Variants in MEP1B observed in about 807,000 individuals in gnomAD.
MEP1B encodes N-benzoyl-L-tyrosyl-P-amino-benzoic acid hydrolase subunit beta.
In MEP1B, 80 loss-of-function variants were observed where a neutral mutation model predicts 84.6. The ratio of observed to expected loss-of-function variants is 0.95; its 90% CI spans 0.79 to 1.14. The LOEUF (loss-of-function observed/expected upper bound fraction) is 1.14, where lower values mean the gene tolerates loss of function less well. Among genes scored for constraint, MEP1B ranks in the 50% most tolerant of loss-of-function variants. MEP1B has a pLI of 0.00. For missense variants in MEP1B, 766 were observed against 855.1 expected (o/e 0.90, Z 1.30); for synonymous variants, 273 against 288.1 (o/e 0.95, Z 0.53).
intron 10 of MEP1B, 109 bp downstream of exon 10, chr18:32,210,825 A>T (rs1598895294): frequency 1.2e-6 from 1 of 815,576 alleles, no homozygotes; most frequent in African/African-American, 1.7e-5. Context: ...GAGTCACTAT[A>T]CTTCAACTAA....
chr18:32,191,563 T>G (rs1486846768), intron 1 of MEP1B, among the ~76,000 whole-genome samples: 1 of 152,012 alleles, frequency 6.6e-6, no homozygotes, highest in East Asian at 1.9e-4. Flanking sequence ...CCCCCCCAAT[T>G]TTTGAAGTTG....
intron 5 of MEP1B, among the ~76,000 whole-genome samples, chr18:32,198,075 C>T (rs1169985403): frequency 6.6e-6 from 1 of 152,134 alleles, no homozygotes; most frequent in African/African-American, 2.4e-5. Flanking sequence ...ATGGAATAAA[C>T]ATTATGATTA....
chr18:32,207,517 T>C, intron 8 of MEP1B, 47 bp downstream of exon 8: 3 of 1,320,196 alleles, frequency 2.3e-6, no homozygotes, highest in Non-Finnish European at 3.2e-6. Context: ...CGCTGTTATG[T>C]AGGAAAAAAT....
intron 5 of MEP1B, among the ~76,000 whole-genome samples, chr18:32,199,659 CTTT>C (rs761900783): frequency 0.19 from 20,773 of 110,830 alleles, 1,838 homozygotes; most frequent in African/African-American, 0.26. Flanking sequence ...CCTTTTTTTC[CTTT>C]CGTTCGTTCC....
rs992209347 is a variant in MEP1B, at chr18:32,196,232, C to T, written c.250+747C>T. 28 of 696,152 alleles carry T rather than the reference C, an allele frequency of 4.0e-5. No homozygotes were observed. The highest frequency in any genetic ancestry group is 3.5e-4 in the East Asian group (13 of 36,724). The allele number at this position is 696,152 out of a possible 1,614,324, so 43.1% of individuals were successfully genotyped here. On this transcript the variant is annotated intron_variant, in intron 5 of 14. Transcript: ENST00000269202. This position sits in a 1 kb window ranked among gnomAD's most constrained non-coding sequence, Gnocchi z 4.4. ...TGGCTGAGAGGAATGAAGAGGATGC[C>T]ATTGATGCCTTTGAACTGCTCCAAG...
At chr18:32,213,767 C>T (rs1396555652) in intron 11 of MEP1B, among the ~76,000 whole-genome samples, 1 of 152,204 alleles carries the variant, frequency 6.6e-6, no homozygotes, top group Non-Finnish European at 1.5e-5. Flanking sequence ...AGGACTCCAA[C>T]AAATGCTGAC....
rs561573119 is a variant in MEP1B, at chr18:32,208,571, C to G, written c.919+300C>G. On this transcript the variant is annotated intron_variant, in intron 9 of 14. Transcript: ENST00000269202. ...CCTGCAAGGCCTCTTATCTCAGGGG[C>G]AGTACTATTGTTTCCTAGAAGTTTG... is the stretch of plus-strand genomic sequence containing the variant. 2.1e-3 allele frequency among the ~76,000 whole-genome samples: 325 copies of G among 152,260 alleles called. 1 individual carries two copies. Among genetic ancestry groups the G allele is most frequent in the African/African-American group, 7.5e-3 (312 of 41,560 alleles).
chr18:32,213,366 G>T lies in MEP1B; in HGVS notation c.1386G>T (p.Gln462His), dbSNP rs1315080225. 1 of 1,613,672 alleles carries T rather than the reference G, an allele frequency of 6.2e-7. No individual in the cohort carries two copies. Among genetic ancestry groups the T allele is most frequent in the East Asian group, 2.2e-5 (1 of 44,890 alleles). Reference protein sequence around the residue: ...PFYSSKGYAFQIYLNLAHVTN... With the variant: ...PFYSSKGYAFHIYLNLAHVTN... ...ACTCTTCTAAAGGTTATGCCTTTCA[G>T]ATTTACTTAAATCTAGCCCATGTGA... Residue 462 changes from glutamine (Q) to histidine (H), a missense_variant, in exon 11 of 15, where the codon CAG becomes CAT. Coordinates refer to ENST00000269202, the MANE Select transcript of MEP1B (RefSeq NM_005925.3).
chr18:32,206,503 C>T (rs1355147331), intron 7 of MEP1B, among the ~76,000 whole-genome samples: 1 of 151,550 alleles, frequency 6.6e-6, no homozygotes, highest in East Asian at 1.9e-4. Context: ...GATCACAGCT[C>T]ACTGCAGGCT....
chr18:32,202,768 A>T, intron 5 of MEP1B, 125 bp from the exon 6 acceptor site: 1 of 616,702 alleles, frequency 1.6e-6, no homozygotes, highest in Non-Finnish European at 2.9e-6. Flanking sequence ...TAAAAATAAA[A>T]GACTCAACAT....
rs1173636880 is a variant in MEP1B at position 32,210,682 on chromosome 18, G to C, written c.1101G>C (p.Val367=). Residue 367 remains valine (V), a synonymous_variant, in exon 10 of 15, where the codon GTG becomes GTC. Transcript: ENST00000269202. ...IYIREYSADN[V]DGNLTLVEEI... is the part of the protein sequence containing the mutation. Reference sequence around the variant, plus strand: ...TCAGGGAGTATTCTGCAGACAATGTGGATGGCAATTTAACCCTTGTGGAAG... The same window carrying C: ...TCAGGGAGTATTCTGCAGACAATGTCGATGGCAATTTAACCCTTGTGGAAG... 6.2e-7 allele frequency: 1 copy of C among 1,613,820 alleles called. No homozygotes were observed. Among genetic ancestry groups the C allele is most frequent in the Non-Finnish European group, 8.5e-7 (1 of 1,179,818 alleles).
At chr18:32,208,398 C>T in intron 9 of MEP1B, 127 bp downstream of exon 9, 11 of 991,380 alleles carry the variant, frequency 1.1e-5, no homozygotes, top group Non-Finnish European at 1.6e-5. Flanking sequence ...TAGGTTACTA[C>T]TGAGAAGTAG....
chr18:32,198,675 T>G (rs537031428), intron 5 of MEP1B, among the ~76,000 whole-genome samples: 51 of 152,270 alleles, frequency 3.3e-4, no homozygotes, highest in African/African-American at 1.2e-3. Context: ...GGAACGCAAA[T>G]GGGGAAGGAC....
chr18:32,216,564 T>A (rs1327396457), intron 12 of MEP1B, among the ~76,000 whole-genome samples: 2 of 152,234 alleles, frequency 1.3e-5, no homozygotes, highest in Admixed American at 1.3e-4. Context: ...TATCAGTGGC[T>A]TGTACCCTTC....
chr18:32,198,161 A>G (rs990809821), intron 5 of MEP1B, among the ~76,000 whole-genome samples: 11 of 152,222 alleles, frequency 7.2e-5, no homozygotes, highest in African/African-American at 2.7e-4. Flanking sequence ...CATATGCATT[A>G]TAAGCAGAGG....
chr18:32,216,128 G>GGAAAATGA, intron 12 of MEP1B, among the ~76,000 whole-genome samples: 1 of 151,688 alleles, frequency 6.6e-6, no homozygotes, highest in African/African-American at 2.4e-5. Flanking sequence ...TTTTTTATGT[G>GGAAAATGA]GTAGGATTTT....
At position 32,196,621 on chromosome 18, in the gene MEP1B, G is replaced by A. The variant is rs924960715; in HGVS notation, c.250+1136G>A. On this transcript the variant is annotated intron_variant, in intron 5 of 14. Coordinates refer to ENST00000269202, the MANE Select transcript of MEP1B (RefSeq NM_005925.3). The surrounding 1 kb of genome is among the most constrained non-coding windows in gnomAD (Gnocchi z 4.4). Reference sequence around the variant, plus strand: ...GACAGGTCGTACTCCATCACCCTGTGCAGCACCCGCCTGATGTTGTCCAGC... The same window carrying A: ...GACAGGTCGTACTCCATCACCCTGTACAGCACCCGCCTGATGTTGTCCAGC... The A allele has an allele frequency of 1.4e-5, 10 of 720,274 alleles. No homozygotes were observed. The African/African-American group carries it at 1.7e-4, about 12-fold the overall frequency. 44.6% of individuals were successfully genotyped at this position (720,274 alleles called of 1,614,324 possible). A position where few individuals can be genotyped will look rare whatever the true frequency, so the allele number is the denominator to read the frequency against.
chr18:32,190,288 G>GT (rs1190828382), intron 1 of MEP1B, among the ~76,000 whole-genome samples, 155 bp downstream of exon 1: 1 of 152,102 alleles, frequency 6.6e-6, no homozygotes, highest in Non-Finnish European at 1.5e-5. Flanking sequence ...GGTGGGCAGT[G>GT]TGTAGGGAGT....
Position 32,213,449 on chromosome 18 carries a change from G to C in MEP1B, c.1469G>C (p.Trp490Ser). 1 of 1,613,784 alleles carries C rather than the reference G, an allele frequency of 6.2e-7. No homozygotes were observed. The highest frequency in any genetic ancestry group is 8.5e-7 in the Non-Finnish European group (1 of 1,179,742). ...ISGANDDQLQ[W>S]PCPWQQATMT... ...GGAGCCAATGATGATCAATTACAGT[G>C]GCCATGTCCTTGGCAACAAGCCACA... The change falls in exon 11 of 15, where the codon TGG becomes TCG. Residue 490 changes from tryptophan (W) to serine (S), a missense_variant. By Grantham distance (177) the Trp-to-Ser change is radical. Transcript: ENST00000269202.
Sources: gnomAD v4.1 joint callset for allele counts (sites outside exome capture counted in the v4.1 genomes callset) on GRCh38, gnomAD v4.1.1 for gene constraint, Gnocchi (gnomAD v3.1) non-coding constraint, MANE v1.5 for transcripts, NCBI Gene and HGNC (gene_info 2026-07-23, HGNC 2026-07-21) for gene names.